Variants in CCDC171 observed in about 807,000 individuals in gnomAD.
CCDC171 encodes the protein coiled-coil domain-containing protein 171.
Under a neutral mutation model 168.2 loss-of-function variants are expected in CCDC171, and 177 were observed. That is an observed-to-expected ratio of 1.05 (90% CI 0.93 to 1.19). The LOEUF is 1.19. Ranked by LOEUF, CCDC171 falls within the 50% of genes most tolerant of loss-of-function variation. CCDC171 has a pLI of 0.00. For synonymous variants in CCDC171, 687 were observed against 540.8 expected, an observed-to-expected ratio of 1.27 and a Z score of -3.75; for missense variants, 1,991 against 1,539.0, an observed-to-expected ratio of 1.29 and a Z score of -4.91.
chr9:15,732,784 C>G (rs1295864936), intron 16 of CCDC171, among the ~76,000 whole-genome samples: 1 of 151,994 alleles, frequency 6.6e-6, no homozygotes, highest in East Asian at 1.9e-4. Flanking sequence ...CATAAATTTT[C>G]ATTTCTCTTG....
At chr9:15,778,102 C>A (rs1285320272) in intron 19 of CCDC171, among the ~76,000 whole-genome samples, 2 of 145,452 alleles carry the variant, frequency 1.4e-5, no homozygotes, top group African/African-American at 5.1e-5. Context: ...TCGAGACCAT[C>A]CTGGCTAACA....
chr9:15,990,434 A>G (rs917395943), intron 3 of CCDC171, among the ~76,000 whole-genome samples: 7 of 152,214 alleles, frequency 4.6e-5, no homozygotes, highest in African/African-American at 7.2e-5. Context: ...AGCACTAAAC[A>G]TGGAAAGGAA....
chr9:15,908,298 A>G (rs1313345509), intron 24 of CCDC171, among the ~76,000 whole-genome samples: 1 of 152,224 alleles, frequency 6.6e-6, no homozygotes, highest in Non-Finnish European at 1.5e-5. Flanking sequence ...AATGTGGCAC[A>G]TATACACCAT....
chr9:15,563,139 CTTT>C (rs570575976), intron 1 of CCDC171, among the ~76,000 whole-genome samples: 7 of 136,700 alleles, frequency 5.1e-5, no homozygotes, highest in South Asian at 2.3e-4. Flanking sequence ...CAAGTTACTT[CTTT>C]TTTTTTTTTT....
intron 21 of CCDC171, among the ~76,000 whole-genome samples, chr9:15,827,881 C>A (rs1487600399): frequency 6.6e-6 from 1 of 152,084 alleles, no homozygotes; most frequent in Non-Finnish European, 1.5e-5. Context: ...ATTCTCCATA[C>A]CCGATCTGCT....
At chr9:16,107,151 A>G in the CCDC171 span, among the ~76,000 whole-genome samples, 4 of 151,988 alleles carry the variant, frequency 2.6e-5, no homozygotes, top group East Asian at 5.8e-4. Flanking sequence ...TCACCCTCAT[A>G]TATGAATTTT....
chr9:15,922,374 C>T (rs147303355), intron 25 of CCDC171, among the ~76,000 whole-genome samples: 48 of 151,670 alleles, frequency 3.2e-4, no homozygotes, highest in Admixed American at 7.9e-4. Context: ...TTTAAGAACT[C>T]TCTAAAGGAA....
chr9:15,804,380 G>C (rs550348899), intron 21 of CCDC171, among the ~76,000 whole-genome samples: 2 of 151,492 alleles, frequency 1.3e-5, no homozygotes, highest in African/African-American at 4.8e-5. Context: ...ATCATATATG[G>C]TTCTCATTAT....
chr9:15,919,255 A>G (rs1032293245), intron 24 of CCDC171, among the ~76,000 whole-genome samples: 3 of 151,486 alleles, frequency 2.0e-5, no homozygotes, highest in Admixed American at 2.0e-4. Flanking sequence ...CAAGTAACTA[A>G]CTTACCTCTG....
intron 3 of CCDC171, among the ~76,000 whole-genome samples, chr9:16,017,908 G>T (rs1445360966): frequency 6.6e-6 from 1 of 152,204 alleles, no homozygotes; most frequent in African/African-American, 2.4e-5. Context: ...GCCTCATGAA[G>T]CCATCACAAT....
At chr9:15,917,403 T>C (rs553043655) in intron 24 of CCDC171, among the ~76,000 whole-genome samples, 3 of 151,928 alleles carry the variant, frequency 2.0e-5, no homozygotes, top group East Asian at 1.9e-4. Flanking sequence ...TTTTATTTTG[T>C]CTCTCAAAAT....
At chr9:15,587,777 A>G (rs951627014) in intron 4 of CCDC171, 1 of 354,242 alleles carries the variant, frequency 2.8e-6, no homozygotes, top group Admixed American at 3.1e-5. Flanking sequence ...TACCAGATAT[A>G]TGAGGAAACC....
At chr9:15,809,233 AT>A (rs1363026857) in intron 21 of CCDC171, among the ~76,000 whole-genome samples, 2 of 152,186 alleles carry the variant, frequency 1.3e-5, no homozygotes, top group Non-Finnish European at 2.9e-5. Flanking sequence ...GCATGAGTGT[AT>A]TTGCAATGAA....
intron 8 of CCDC171, among the ~76,000 whole-genome samples, chr9:15,660,352 A>C (rs1023749648): frequency 6.6e-6 from 1 of 152,130 alleles, no homozygotes; most frequent in African/African-American, 2.4e-5. Context: ...CCGGGGGTAC[A>C]TGTGTAGTTT....
chr9:15,900,583 G>A (rs1417581023), intron 24 of CCDC171, among the ~76,000 whole-genome samples: 1 of 152,142 alleles, frequency 6.6e-6, no homozygotes, highest in Non-Finnish European at 1.5e-5. Flanking sequence ...ATAAATTTGT[G>A]TTGTTCTAAG....
intron 7 of CCDC171, among the ~76,000 whole-genome samples, chr9:15,638,644 C>A: frequency 6.6e-6 from 1 of 151,172 alleles, no homozygotes; most frequent in African/African-American, 2.4e-5. Flanking sequence ...TTTTTATGTG[C>A]CTGAGCCAAA....
intron 10 of CCDC171, 133 bp from the exon 11 acceptor site, chr9:15,695,102 A>G: frequency 3.2e-6 from 2 of 634,106 alleles, no homozygotes; most frequent in Non-Finnish European, 5.6e-6. Context: ...ATTAAGAGAG[A>G]AAGATGGTTT....
intron 23 of CCDC171, among the ~76,000 whole-genome samples, chr9:15,851,382 A>G (rs773515070): frequency 2.7e-4 from 41 of 151,356 alleles, no homozygotes; most frequent in Non-Finnish European, 4.9e-4. Context: ...ATTTTTATTT[A>G]TGCCAGTTTT....
At chr9:15,808,703 G>A (rs991285891) in intron 21 of CCDC171, among the ~76,000 whole-genome samples, 1 of 152,184 alleles carries the variant, frequency 6.6e-6, no homozygotes, top group Non-Finnish European at 1.5e-5. Flanking sequence ...GAATTGAGCA[G>A]GTGAGATGAA....
Sources: gnomAD v4.1 joint callset for allele counts (sites outside exome capture counted in the v4.1 genomes callset) on GRCh38, gnomAD v4.1.1 for gene constraint, MANE v1.5 for transcripts, NCBI Gene and HGNC (gene_info 2026-07-23, HGNC 2026-07-21) for gene names.